Variants in ZNF239 observed in about 807,000 individuals in gnomAD.
ZNF239 encodes zinc finger protein (C2H2) homologous to mouse MOK-2.
A neutral mutation model predicts 27.5 loss-of-function variants in ZNF239; 16 were observed. The observed-to-expected ratio is 0.58, with a 90% confidence interval of 0.39 to 0.88. The LOEUF (loss-of-function observed/expected upper bound fraction) is 0.88. Ranked by LOEUF, ZNF239 falls within the 40% of genes least tolerant of loss-of-function variation. The probability of loss-of-function intolerance (pLI) is 0.00; values close to 1 mark genes in which losing one functional copy is unlikely to be tolerated. For missense variants in ZNF239, 527 were observed against 551.9 expected (o/e 0.95, Z 0.45); for synonymous variants, 199 against 192.6 (o/e 1.03, Z -0.27).
chr10:43,562,207 C>T (rs1837306984), intron 3 of ZNF239, among the ~76,000 whole-genome samples: 1 of 152,152 alleles, frequency 6.6e-6, no homozygotes, highest in Non-Finnish European at 1.5e-5. Flanking sequence ...TCACAATACA[C>T]TAAATTTAAA....
chr10:43,566,110 C>T (rs745560447), intron 3 of ZNF239, among the ~76,000 whole-genome samples: 2 of 152,154 alleles, frequency 1.3e-5, no homozygotes, highest in Non-Finnish European at 2.9e-5. Context: ...ATATAAAGAA[C>T]GTGGAAAGGC....
chr10:43,560,856 A>C (rs185191236), intron 3 of ZNF239, among the ~76,000 whole-genome samples: 3 of 152,236 alleles, frequency 2.0e-5, no homozygotes, highest in African/African-American at 7.2e-5. Flanking sequence ...CAGAATTTAA[A>C]AGGTACATAA....
intron 3 of ZNF239, among the ~76,000 whole-genome samples, chr10:43,563,560 GTTGT>G (rs1046153906): frequency 6.6e-5 from 10 of 152,150 alleles, no homozygotes; most frequent in South Asian, 4.1e-4. Flanking sequence ...ATTATACTGT[GTTGT>G]TTGAGTTTTT....
At chr10:43,561,692 T>C (rs1837262405) in intron 3 of ZNF239, among the ~76,000 whole-genome samples, 1 of 152,026 alleles carries the variant, frequency 6.6e-6, no homozygotes, top group Admixed American at 6.6e-5. Context: ...GTCAATACAA[T>C]ACATAATTAG....
Position 43,556,949 on chromosome 10 carries a change from G to C in ZNF239, c.1131C>G (p.Cys377Trp). ...CIHTGEKPYQ[C>W]YECGKGFSQS... Reference sequence around the variant, plus strand: ...GGCTGAAACCCTTCCCACACTCATAGCATTGGTAAGGCTTCTCTCCTGTGT... The same window carrying C: ...GGCTGAAACCCTTCCCACACTCATACCATTGGTAAGGCTTCTCTCCTGTGT... Residue 377 changes from cysteine (C) to tryptophan (W), a missense_variant, in exon 4 of 4, where the codon TGC becomes TGG. Cys to Trp is a radical substitution (Grantham distance 215, BLOSUM62 -2). Transcript: ENST00000374446. The C allele has an allele frequency of 3.1e-6, 5 of 1,610,874 alleles. No homozygotes were observed. Among genetic ancestry groups the C allele is most frequent in the Non-Finnish European group, 4.2e-6 (5 of 1,179,214 alleles).
intron 3 of ZNF239, among the ~76,000 whole-genome samples, chr10:43,565,114 C>T (rs188240504): frequency 5.3e-4 from 81 of 152,230 alleles, no homozygotes; most frequent in African/African-American, 1.7e-3. Flanking sequence ...GACAGAGTCT[C>T]ACTCTGTCAA....
intron 2 of ZNF239, among the ~76,000 whole-genome samples, chr10:43,571,808 CA>C (rs1489744720): frequency 1.3e-5 from 2 of 152,148 alleles, no homozygotes; most frequent in Admixed American, 1.3e-4. Context: ...CCTCCCCACT[CA>C]GTCTCCCAAA....
At chr10:43,573,898 G>C (rs1008151781) in intron 1 of ZNF239, among the ~76,000 whole-genome samples, 5 of 152,162 alleles carry the variant, frequency 3.3e-5, no homozygotes, top group African/African-American at 4.8e-5. Context: ...AAAACCAAGA[G>C]GCTAGGTAAA....
intron 3 of ZNF239, among the ~76,000 whole-genome samples, chr10:43,566,470 G>A (rs1469563153): frequency 1.3e-5 from 2 of 152,088 alleles, no homozygotes; most frequent in East Asian, 1.9e-4. Context: ...ATATTTTGTA[G>A]AGACAGGGTT....
At chr10:43,570,169 C>T (rs569368530) in intron 2 of ZNF239, 4 of 985,412 alleles carry the variant, frequency 4.1e-6, no homozygotes, top group Non-Finnish European at 4.8e-6. Flanking sequence ...AGTGACATGA[C>T]TTACCCAACT....
At position 43,568,292 on chromosome 10, in the gene ZNF239, T is replaced by C. The variant is rs1051487194; in HGVS notation, c.-215-271A>G. ...ATCTTTCTGTGTCACTCTCTTCTTG[T>C]GTCATTGCTGAGTTGTCATCTTCAC... On this transcript the variant is annotated intron_variant, in intron 2 of 3. Transcript: ENST00000374446. 3 of 985,392 alleles carry C rather than the reference T, an allele frequency of 3.0e-6. No individual in the cohort carries two copies. The Admixed American group carries it at 1.8e-4, about 61-fold the overall frequency. 61.0% of individuals were successfully genotyped at this position (985,392 alleles called of 1,614,324 possible).
chr10:43,557,028 T>A lies in ZNF239; in HGVS notation c.1052A>T (p.Glu351Val). 1.2e-6 allele frequency: 2 copies of A among 1,613,948 alleles called. No homozygotes were observed. The highest frequency in any genetic ancestry group is 1.7e-6 in the Non-Finnish European group (2 of 1,179,968). The change falls in exon 4 of 4, where the codon GAG (glutamate) becomes GTG (valine). Residue 351 changes from glutamate to valine, a missense_variant. Physicochemically the swap from Glu to Val is moderately radical, Grantham distance 121 (BLOSUM62 -2). Coordinates refer to ENST00000374446, the MANE Select transcript of ZNF239 (RefSeq NM_001099282.2). ...HTGERPYKCG[E>V]CGKGFSQSSN... ...GCTCTGACTGAAGCCCTTCCCACACTCACCACACTTGTAGGGCCTCTCTCC... is the reference window on the plus strand; with the variant it reads ...GCTCTGACTGAAGCCCTTCCCACACACACCACACTTGTAGGGCCTCTCTCC...
In ZNF239 at chr10:43,564,234, C is replaced by T. The variant is rs374106864; in HGVS notation, c.-93+3665G>A. 78 of 959,470 alleles carry T rather than the reference C, an allele frequency of 8.1e-5. 1 individual carries two copies. Among genetic ancestry groups the T allele is most frequent in the African/African-American group, 1.2e-4 (7 of 56,720 alleles). The allele number at this position is 959,470 out of a possible 1,614,324, so 59.4% of individuals were successfully genotyped here. A position where few individuals can be genotyped will look rare whatever the true frequency, so the allele number is the denominator to read the frequency against. On this transcript the variant is annotated intron_variant, in intron 3 of 3. Coordinates refer to ENST00000374446, the MANE Select transcript of ZNF239 (RefSeq NM_001099282.2). ...CACATACACAACCCGCATTCCATCA[C>T]GTCTTTGTTCTCTCAGAGCGGTGTT...
intron 2 of ZNF239, among the ~76,000 whole-genome samples, chr10:43,572,828 C>T (rs76163658): frequency 2.6e-5 from 4 of 152,082 alleles, no homozygotes; most frequent in African/African-American, 7.2e-5. Flanking sequence ...TAAAAAAGTA[C>T]GACTTGGTAA....
intron 3 of ZNF239, among the ~76,000 whole-genome samples, chr10:43,565,817 GAAAAAAAAAAAAAAAA>G (rs36039838): frequency 3.0e-5 from 2 of 67,138 alleles, no homozygotes; most frequent in Non-Finnish European, 5.0e-5. Flanking sequence ...TCCATCTCAA[GAAAAAAAAAAAAAAAA>G]AAAAAAAAAA....
intron 3 of ZNF239, chr10:43,564,235 G>A (rs933613906): frequency 3.2e-5 from 31 of 960,970 alleles, no homozygotes; most frequent in African/African-American, 1.1e-4. Flanking sequence ...ATTCCATCAC[G>A]TCTTTGTTCT....
At chr10:43,559,347 G>GT (rs1218813354) in intron 3 of ZNF239, among the ~76,000 whole-genome samples, 1 of 152,164 alleles carries the variant, frequency 6.6e-6, no homozygotes, top group Non-Finnish European at 1.5e-5. Flanking sequence ...AAGAAAAACG[G>GT]TAAGGATGAT....
chr10:43,559,009 G>T (rs2132233721), intron 3 of ZNF239, among the ~76,000 whole-genome samples: 1 of 152,146 alleles, frequency 6.6e-6, no homozygotes, highest in African/African-American at 2.4e-5. Context: ...GAAGATTTCT[G>T]GGAGAAAATG....
At chr10:43,572,679 G>A (rs909840718) in intron 2 of ZNF239, among the ~76,000 whole-genome samples, 2 of 152,188 alleles carry the variant, frequency 1.3e-5, no homozygotes, top group African/African-American at 4.8e-5. Flanking sequence ...CCAGGACAGG[G>A]CAAAGAGGGG....
Sources: allele counts gnomAD v4.1 joint callset (sites outside exome capture counted in the v4.1 genomes callset), GRCh38; gene constraint gnomAD v4.1.1; transcripts MANE v1.5; gene names NCBI Gene and HGNC (gene_info 2026-07-23, HGNC 2026-07-21).